The following RTRAF variants were observed in gnomAD, a reference collection of about 807,000 sequenced individuals.
RTRAF encodes tRNA-splicing ligase complex subunit RTRAF.
In RTRAF, 14 loss-of-function variants were observed where a neutral mutation model predicts 34.4. The ratio of observed to expected loss-of-function variants is 0.41; its 90% confidence interval spans 0.27 to 0.64. RTRAF has a LOEUF of 0.64. RTRAF is among the 30% of genes least tolerant of loss of function. The probability of loss-of-function intolerance (pLI) is 0.34; values close to 1 mark genes in which losing one functional copy is unlikely to be tolerated. For synonymous variants in RTRAF, 96 were observed against 95.3 expected (o/e 1.01, Z -0.04); for missense variants, 291 against 288.4 (o/e 1.01, Z -0.06).
intron 3 of RTRAF, among the ~76,000 whole-genome samples, chr14:51,994,718 TAAAC>T (rs1890490868): frequency 6.6e-6 from 1 of 152,178 alleles, no homozygotes; most frequent in African/African-American, 2.4e-5. Flanking sequence ...TTCATATTAA[TAAAC>T]ATACATATCC....
chr14:52,006,758 G>A lies in RTRAF; in HGVS notation c.*2242G>A. ...ACACAGTGATAGAATGGGGAAATAG[G>A]ATATTTTACTTCCATTACAGTCATA... On this transcript the variant is annotated 3_prime_UTR_variant, in exon 8 of 8. Coordinates refer to ENST00000261700, the MANE Select transcript of RTRAF (RefSeq NM_016039.3). The A allele has an allele frequency of 1.5e-6, 2 of 1,317,328 alleles. No individual in the cohort carries two copies. The highest frequency in any genetic ancestry group is 2.7e-5 in the South Asian group (2 of 75,226). The allele number at this position is 1,317,328 out of a possible 1,614,324, so 81.6% of individuals were successfully genotyped here.
At chr14:52,003,073 T>C (rs537655275) in intron 6 of RTRAF, among the ~76,000 whole-genome samples, 1 of 152,356 alleles carries the variant, frequency 6.6e-6, no homozygotes, top group South Asian at 2.1e-4. Flanking sequence ...CAAATCTCTT[T>C]GCTCTTGTTT....
chr14:51,998,449 C>A, intron 3 of RTRAF, 45 bp from the exon 4 acceptor site: 2 of 1,180,304 alleles, frequency 1.7e-6, no homozygotes, highest in South Asian at 1.5e-5. Flanking sequence ...GTCATTTTAC[C>A]TTGAGTTGCA....
intron 6 of RTRAF, 180 bp downstream of exon 6, chr14:52,002,046 A>G (rs1184905058): frequency 1.7e-6 from 1 of 577,198 alleles, no homozygotes; most frequent in African/African-American, 1.9e-5. Flanking sequence ...CTAGGGGGTC[A>G]TTTTTGAGTG....
chr14:51,996,224 AG>A (rs1234266491), intron 3 of RTRAF, among the ~76,000 whole-genome samples: 1 of 152,190 alleles, frequency 6.6e-6, no homozygotes, highest in African/African-American at 2.4e-5. Flanking sequence ...TGGTATCAAA[AG>A]TATATTAAAA....
chr14:51,992,270 A>G (rs1890446205), intron 2 of RTRAF, among the ~76,000 whole-genome samples: 1 of 152,214 alleles, frequency 6.6e-6, no homozygotes. Context: ...ATATTTGATG[A>G]GTGAGATATT....
rs755726089 is a variant in RTRAF at position 51,993,864 on chromosome 14, G to T, written c.286+42G>T. 5.8e-6 allele frequency: 7 copies of T among 1,207,934 alleles called. No individual in the cohort carries two copies. The African/African-American group carries it at 6.2e-5, about 11-fold the overall frequency. 74.8% of individuals were successfully genotyped at this position (1,207,934 alleles called of 1,614,324 possible). Reference sequence around the variant, plus strand: ...ATGTGTATTTTAAAGAGAGAGGAAAGATGGGAAAGGGAGTGTGAAAATGTA... The same window carrying T: ...ATGTGTATTTTAAAGAGAGAGGAAATATGGGAAAGGGAGTGTGAAAATGTA... On this transcript the variant is annotated intron_variant, in intron 3 of 7. Transcript: ENST00000261700.
At chr14:52,002,101 A>G (rs1019035681) in intron 6 of RTRAF, among the ~76,000 whole-genome samples, 1 of 152,224 alleles carries the variant, frequency 6.6e-6, no homozygotes, top group African/African-American at 2.4e-5. Context: ...AAAAGCCACA[A>G]ATAGCTCATG....
At chr14:51,998,063 C>G (rs1890547267) in intron 3 of RTRAF, 1 of 152,664 alleles carries the variant, frequency 6.6e-6, no homozygotes, top group African/African-American at 2.4e-5. Flanking sequence ...TTGTTTTATG[C>G]TTATACAGGT....
At chr14:51,990,578 A>G (rs537470959) in intron 1 of RTRAF, among the ~76,000 whole-genome samples, 1 of 152,344 alleles carries the variant, frequency 6.6e-6, no homozygotes, top group East Asian at 1.9e-4. Flanking sequence ...GTAGAAGCAT[A>G]TCAAATTATA....
chr14:52,005,096 A>G lies in RTRAF; in HGVS notation c.*580A>G, dbSNP rs192623061. 7 of 170,698 alleles carry G rather than the reference A, an allele frequency of 4.1e-5. 1 individual carries two copies. The South Asian group carries it at 7.5e-4, about 18-fold the overall frequency. 10.6% of individuals were successfully genotyped at this position (170,698 alleles called of 1,614,324 possible). A position where few individuals can be genotyped will look rare whatever the true frequency, so the allele number is the denominator to read the frequency against. On this transcript the variant is annotated 3_prime_UTR_variant, in exon 8 of 8. Coordinates refer to ENST00000261700, the MANE Select transcript of RTRAF (RefSeq NM_016039.3). ...TCAAGGTTTAGGATTATATTGTTAT[A>G]TTGATCACATGTGCTTTAATTTCTT...
chr14:52,003,977 A>G, intron 6 of RTRAF: 1 of 564,348 alleles, frequency 1.8e-6, no homozygotes, highest in Admixed American at 3.4e-5. Flanking sequence ...TTCCTGGTAC[A>G]TTTAAAGGTT....
intron 3 of RTRAF, among the ~76,000 whole-genome samples, chr14:51,994,903 T>C (rs1890494839): frequency 6.6e-6 from 1 of 152,020 alleles, no homozygotes; most frequent in Non-Finnish European, 1.5e-5. Flanking sequence ...GTTCACACTT[T>C]TCCCTTGGCT....
chr14:51,997,389 T>A (rs1209285070), intron 3 of RTRAF, among the ~76,000 whole-genome samples: 2 of 151,990 alleles, frequency 1.3e-5, no homozygotes, highest in African/African-American at 4.8e-5. Context: ...TGGATTTTTA[T>A]TTTATTCAAT....
In RTRAF at chr14:52,005,419, G is replaced by GCAGT; in HGVS notation, c.*906_*909dup. The GCAGT allele has an allele frequency of 1.4e-6, 2 of 1,431,512 alleles. No homozygotes were observed. The highest frequency in any genetic ancestry group is 1.9e-6 in the Non-Finnish European group (2 of 1,069,766). The allele number at this position is 1,431,512 out of a possible 1,614,324, so 88.7% of individuals were successfully genotyped here. ...TTCCTTTTTTACTTTCTTTGCCTTTGCAGTCACTGTTCTTTAGGGTCCAGG... is the reference window on the plus strand; with the variant it reads ...TTCCTTTTTTACTTTCTTTGCCTTTGCAGTCAGTCACTGTTCTTTAGGGTCCAGG... On this transcript the variant is annotated 3_prime_UTR_variant, in exon 8 of 8. Coordinates refer to ENST00000261700, the MANE Select transcript of RTRAF (RefSeq NM_016039.3).
chr14:52,004,417 C>CAGAGAGCTACAGACAAA lies in RTRAF; in HGVS notation c.638_654dup (p.Ile219GlufsTer11). 1 of 1,613,896 alleles carries CAGAGAGCTACAGACAAA rather than the reference C, an allele frequency of 6.2e-7. No homozygotes were observed. Among genetic ancestry groups the CAGAGAGCTACAGACAAA allele is most frequent in the Non-Finnish European group, 8.5e-7 (1 of 1,179,902 alleles). ...TGCGATTGCTGCACATAGAGGAGCT[C>CAGAGAGCTACAGACAAA]AGAGAGCTACAGACAAAAATCAACG... On this transcript the variant is annotated frameshift_variant, in exon 8 of 8. Coordinates refer to ENST00000261700, the MANE Select transcript of RTRAF (RefSeq NM_016039.3). LOFTEE classifies it high-confidence loss of function.
rs1890761016 is a variant in RTRAF at position 52,005,923 on chromosome 14, T to G, written c.*1407T>G. On this transcript the variant is annotated 3_prime_UTR_variant, in exon 8 of 8. Coordinates refer to ENST00000261700, the MANE Select transcript of RTRAF (RefSeq NM_016039.3). ...AAAGAAGTCAGTCAGCCACAGAAAA[T>G]CAGTTGCAATAGAGGAAAATTTCTG... 6.1e-6 allele frequency: 7 copies of G among 1,152,878 alleles called. No individual in the cohort carries two copies. In the Admixed American group the frequency reaches 1.2e-4, roughly 20 times the overall value. 71.4% of individuals were successfully genotyped at this position (1,152,878 alleles called of 1,614,324 possible).
chr14:52,006,982 T>C lies in RTRAF; in HGVS notation c.*2466T>C, dbSNP rs1890810625. On this transcript the variant is annotated 3_prime_UTR_variant, in exon 8 of 8. Transcript: ENST00000261700. ...TAGCTTATAAATTATAACATCTGGG[T>C]AAATACTTGCCCTTTGTAAGCTATG... The C allele has an allele frequency of 5.2e-6, 1 of 192,244 alleles. No homozygotes were observed. The highest frequency in any genetic ancestry group is 2.4e-5 in the African/African-American group (1 of 42,514). The allele number at this position is 192,244 out of a possible 1,614,324, so 11.9% of individuals were successfully genotyped here. A position where few individuals can be genotyped will look rare whatever the true frequency, so the allele number is the denominator to read the frequency against.
At chr14:51,996,422 T>G (rs570012428) in intron 3 of RTRAF, among the ~76,000 whole-genome samples, 3 of 152,080 alleles carry the variant, frequency 2.0e-5, no homozygotes, top group Non-Finnish European at 4.4e-5. Context: ...CCATTGTGAG[T>G]TTTTATTATT....
Sources: gnomAD v4.1 joint callset for allele counts (sites outside exome capture counted in the v4.1 genomes callset) on GRCh38, gnomAD v4.1.1 for gene constraint, MANE v1.5 for transcripts, NCBI Gene and HGNC (gene_info 2026-07-23, HGNC 2026-07-21) for gene names.